Variants in FUCA2 observed in about 807,000 individuals in gnomAD.
FUCA2 encodes plasma alpha-L-fucosidase.
Under a neutral mutation model 52.6 loss-of-function variants are expected in FUCA2, and 41 were observed. The ratio of observed to expected loss-of-function variants is 0.78; its 90% CI spans 0.61 to 1.01. FUCA2 has a LOEUF of 1.01. Ranked by LOEUF, FUCA2 falls within the 50% of genes least tolerant of loss-of-function variation. FUCA2 has a pLI of 0.00. For missense variants in FUCA2, 507 were observed against 569.5 expected (o/e 0.89, Z 1.12); for synonymous variants, 211 against 217.3 (o/e 0.97, Z 0.26).
At position 143,511,580 on chromosome 6, in the gene FUCA2, G is replaced by C; in HGVS notation, c.55C>G (p.Leu19Val). The change falls in exon 1 of 7, where the codon CTG becomes GTG. Residue 19 changes from leucine to valine, a missense_variant. Coordinates refer to ENST00000002165, the MANE Select transcript of FUCA2 (RefSeq NM_032020.5). The surrounding 1 kb of genome is among the most constrained non-coding windows in gnomAD (Gnocchi z 6.3). ...GGGCACGGCGGCGGCGGCAGCAGCA[G>C]CAACAGCAACAGCAGCAACGGGAAC... ...LAFPLLLLLL[L>V]LLPPPPCPAH... is the part of the protein sequence containing the mutation. The C allele has an allele frequency of 6.4e-7, 1 of 1,556,832 alleles. No individual in the cohort carries two copies.
rs1487729650 is a variant in FUCA2 at position 143,494,987 on chromosome 6, G to A, written c.*720C>T. 2.0e-5 allele frequency: 3 copies of A among 152,202 alleles called. No individual in the cohort carries two copies. The highest frequency in any genetic ancestry group is 1.9e-4 in the East Asian group (1 of 5,186). The allele number at this position is 152,202 out of a possible 1,614,324, so 9.4% of individuals were successfully genotyped here. A position where few individuals can be genotyped will look rare whatever the true frequency, so the allele number is the denominator to read the frequency against. ...AGCCTAAGCATACAGTATTTATAAA[G>A]TCTGGCAGTGTTCAATAATGTCCTA... is the stretch of plus-strand genomic sequence containing the variant. On this transcript the variant is annotated 3_prime_UTR_variant, in exon 7 of 7. Transcript: ENST00000002165. The surrounding 1 kb of genome is among the most constrained non-coding windows in gnomAD (Gnocchi z 6.6).
At position 143,495,968 on chromosome 6, in the gene FUCA2, C is replaced by T; in HGVS notation, c.1264-121G>A. ...TTGTAGACAAGAGGTTCATTTTTAC[C>T]TTTATTTAGTGATTCACAATCACTC... On this transcript the variant is annotated intron_variant, in intron 6 of 6. Coordinates refer to ENST00000002165, the MANE Select transcript of FUCA2 (RefSeq NM_032020.5). The surrounding 1 kb of genome is among the most constrained non-coding windows in gnomAD (Gnocchi z 5.2). 1 of 930,586 alleles carries T rather than the reference C, an allele frequency of 1.1e-6. No homozygotes were observed. Among genetic ancestry groups the T allele is most frequent in the South Asian group, 1.6e-5 (1 of 62,134 alleles). The allele number at this position is 930,586 out of a possible 1,614,324, so 57.6% of individuals were successfully genotyped here.
Position 143,507,111 on chromosome 6 carries a change from G to T in FUCA2, c.412+126C>A. On this transcript the variant is annotated intron_variant, in intron 2 of 6. Transcript: ENST00000002165. This position sits in a 1 kb window ranked among gnomAD's most constrained non-coding sequence, Gnocchi z 4.5. ...TGTGCAGTCCCTAAGTCATAAGCAA[G>T]TGCCAGTCACCACTTATGGTTGCTC... The T allele has an allele frequency of 1.3e-6, 1 of 790,570 alleles. No homozygotes were observed. The highest frequency in any genetic ancestry group is 2.0e-6 in the Non-Finnish European group (1 of 512,790). The allele number at this position is 790,570 out of a possible 1,614,324, so 49.0% of individuals were successfully genotyped here.
In FUCA2 at chr6:143,497,341, G is replaced by A. The variant is rs1290875965; in HGVS notation, c.1263+48C>T. On this transcript the variant is annotated intron_variant, in intron 6 of 6. Coordinates refer to ENST00000002165, the MANE Select transcript of FUCA2 (RefSeq NM_032020.5). This position sits in a 1 kb window ranked among gnomAD's most constrained non-coding sequence, Gnocchi z 5.3. ...CCTTAAAAGTTAATGTTTGCATCAA[G>A]ATGTTCTAATCAGCAATTTAAAGGA... The A allele has an allele frequency of 8.6e-7, 1 of 1,168,044 alleles. No individual in the cohort carries two copies. Among genetic ancestry groups the A allele is most frequent in the Non-Finnish European group, 1.3e-6 (1 of 773,982 alleles). 72.4% of individuals were successfully genotyped at this position (1,168,044 alleles called of 1,614,324 possible). A position where few individuals can be genotyped will look rare whatever the true frequency, so the allele number is the denominator to read the frequency against.
rs773761687 is a variant in FUCA2, at chr6:143,502,626, T to C, written c.753-61A>G. On this transcript the variant is annotated intron_variant, in intron 3 of 6. Transcript: ENST00000002165. This position sits in a 1 kb window ranked among gnomAD's most constrained non-coding sequence, Gnocchi z 4.1. ...TATAAGCTTTTTATACAAAAAGAAA[T>C]GTCACTGAAAAGACATGTAATTGAA... 1 of 1,359,652 alleles carries C rather than the reference T, an allele frequency of 7.4e-7. No homozygotes were observed. The highest frequency in any genetic ancestry group is 1.3e-5 in the South Asian group (1 of 78,350). The allele number at this position is 1,359,652 out of a possible 1,614,324, so 84.2% of individuals were successfully genotyped here.
At position 143,500,921 on chromosome 6, in the gene FUCA2, A is replaced by C. The variant is rs1165026491; in HGVS notation, c.1154+1011T>G. Among the ~76,000 whole-genome samples, 1 of 152,198 alleles carries C rather than the reference A, an allele frequency of 6.6e-6. No individual in the cohort carries two copies. The highest frequency in any genetic ancestry group is 6.5e-5 in the Admixed American group (1 of 15,278). On this transcript the variant is annotated intron_variant, in intron 5 of 6. Transcript: ENST00000002165. This position sits in a 1 kb window ranked among gnomAD's most constrained non-coding sequence, Gnocchi z 6.9. ...GTGAGGAGGGAGAGCAGGACCACTC[A>C]GTGGCAGGGAAGTTGGTAGGAGCCA...
At position 143,505,792 on chromosome 6, in the gene FUCA2, T is replaced by C. The variant is rs573278337; in HGVS notation, c.412+1445A>G. 6.6e-5 allele frequency: 10 copies of C among 152,276 alleles called. No individual in the cohort carries two copies. The East Asian group carries it at 1.4e-3, about 21-fold the overall frequency. 9.4% of individuals were successfully genotyped at this position (152,276 alleles called of 1,614,324 possible). On this transcript the variant is annotated intron_variant, in intron 2 of 6. Coordinates refer to ENST00000002165, the MANE Select transcript of FUCA2 (RefSeq NM_032020.5). ...AGTCTTCATTTGAATATCACCACCATAAGCTTACACTGCGACGTTCCTTCC... is the reference window on the plus strand; with the variant it reads ...AGTCTTCATTTGAATATCACCACCACAAGCTTACACTGCGACGTTCCTTCC...
rs754920115 is a variant in FUCA2 at position 143,502,471 on chromosome 6, G to T, written c.847C>A (p.Pro283Thr). Reference protein sequence around the residue: ...GFYTCSDRYNPGHLLPHKWEN... With the variant: ...GFYTCSDRYNTGHLLPHKWEN... Reference sequence around the variant, plus strand: ...CATTTATGTGGCAAAAGATGTCCTGGGTTATAACGATCACTGCAGGTATAG... The same window carrying T: ...CATTTATGTGGCAAAAGATGTCCTGTGTTATAACGATCACTGCAGGTATAG... The change falls in exon 4 of 7, where the codon CCA (proline) becomes ACA (threonine). Residue 283 changes from proline (P) to threonine (T), a missense_variant. Physicochemically the swap from Pro to Thr is conservative, Grantham distance 38. Coordinates refer to ENST00000002165, the MANE Select transcript of FUCA2 (RefSeq NM_032020.5). This position sits in a 1 kb window ranked among gnomAD's most constrained non-coding sequence, Gnocchi z 4.1. 1 of 1,614,024 alleles carries T rather than the reference G, an allele frequency of 6.2e-7. No homozygotes were observed. Among genetic ancestry groups the T allele is most frequent in the Admixed American group, 1.7e-5 (1 of 60,010 alleles).
chr6:143,505,143 T>C (rs973380410), intron 2 of FUCA2: 1 of 152,084 alleles, frequency 6.6e-6, no homozygotes, highest in Non-Finnish European at 1.5e-5. Context: ...ATAATAAATA[T>C]GAAAGCCTCA....
rs1386883021 is a variant in FUCA2, at chr6:143,500,115, T to C, written c.1154+1817A>G. Among the ~76,000 whole-genome samples, 3 of 152,030 alleles carry C rather than the reference T, an allele frequency of 2.0e-5. No individual in the cohort carries two copies. Among genetic ancestry groups the C allele is most frequent in the Non-Finnish European group, 4.4e-5 (3 of 68,022 alleles). ...TGTCCAGAAGCAGGCATGGAATAAG[T>C]AGATCTGTATTTAAAGTTGATGTTC... On this transcript the variant is annotated intron_variant, in intron 5 of 6. Coordinates refer to ENST00000002165, the MANE Select transcript of FUCA2 (RefSeq NM_032020.5). The surrounding 1 kb of genome is among the most constrained non-coding windows in gnomAD (Gnocchi z 6.9).
Position 143,497,376 on chromosome 6 carries a change from A to T in FUCA2, c.1263+13T>A, listed in dbSNP as rs766171853. On this transcript the variant is annotated intron_variant, in intron 6 of 6. Transcript: ENST00000002165. This position sits in a 1 kb window ranked among gnomAD's most constrained non-coding sequence, Gnocchi z 5.3. ...TCAGCAATTTAAAGGAATAAGGTAA[A>T]ATTCCCTCTTACCTCTGTTGCCCCC... is the stretch of plus-strand genomic sequence containing the variant. 1 of 1,528,322 alleles carries T rather than the reference A, an allele frequency of 6.5e-7. No individual in the cohort carries two copies. Among genetic ancestry groups the T allele is most frequent in the Admixed American group, 1.7e-5 (1 of 59,884 alleles). The allele number at this position is 1,528,322 out of a possible 1,614,324, so 94.7% of individuals were successfully genotyped here.
In FUCA2 at chr6:143,503,798, C is replaced by T. The variant is rs940115544; in HGVS notation, c.752+115G>A. 3.7e-5 allele frequency: 27 copies of T among 733,730 alleles called. No homozygotes were observed. Among genetic ancestry groups the T allele is most frequent in the Admixed American group, 8.9e-5 (3 of 33,834 alleles). 45.5% of individuals were successfully genotyped at this position (733,730 alleles called of 1,614,324 possible). ...TAAGTATTATTTACAATGATTTTCT[C>T]CCCCCATACCACCAATGACTTAAAA... On this transcript the variant is annotated intron_variant, in intron 3 of 6. Coordinates refer to ENST00000002165, the MANE Select transcript of FUCA2 (RefSeq NM_032020.5). This position sits in a 1 kb window ranked among gnomAD's most constrained non-coding sequence, Gnocchi z 4.8.
chr6:143,502,271 C>A lies in FUCA2; in HGVS notation c.963+84G>T. Reference sequence around the variant, plus strand: ...TAGAACAATGTCCTATATTTATAGGCCATTGAGCCATAGAAGAAATAATTC... The same window carrying A: ...TAGAACAATGTCCTATATTTATAGGACATTGAGCCATAGAAGAAATAATTC... On this transcript the variant is annotated intron_variant, in intron 4 of 6. Transcript: ENST00000002165. The surrounding 1 kb of genome is among the most constrained non-coding windows in gnomAD (Gnocchi z 4.1). 2 of 1,391,346 alleles carry A rather than the reference C, an allele frequency of 1.4e-6. No homozygotes were observed. Among genetic ancestry groups the A allele is most frequent in the Non-Finnish European group, 2.0e-6 (2 of 1,000,004 alleles). 86.2% of individuals were successfully genotyped at this position (1,391,346 alleles called of 1,614,324 possible).
chr6:143,502,116 C>A lies in FUCA2; in HGVS notation c.970G>T (p.Val324Leu), dbSNP rs776421447. The change falls in exon 5 of 7, where the codon GTA becomes TTA. Residue 324 changes from valine (V) to leucine (L), a missense_variant. Physicochemically the swap from Val to Leu is conservative, Grantham distance 32. Transcript: ENST00000002165. The surrounding 1 kb of genome is among the most constrained non-coding windows in gnomAD (Gnocchi z 4.1). ...LTIEELVKQL[V>L]ETVSCGGNLL... is the part of the protein sequence containing the mutation. ...TTTCCTCCACATGAAACTGTCTCTA[C>A]AAGTTGCTAAAAAATTAAGAATAAT... The A allele has an allele frequency of 3.1e-6, 5 of 1,591,690 alleles. No homozygotes were observed. The highest frequency in any genetic ancestry group is 4.3e-6 in the Non-Finnish European group (5 of 1,171,838).
At position 143,503,763 on chromosome 6, in the gene FUCA2, A is replaced by G; in HGVS notation, c.752+150T>C. The G allele has an allele frequency of 1.7e-6, 1 of 603,226 alleles. No individual in the cohort carries two copies. Among genetic ancestry groups the G allele is most frequent in the Admixed American group, 3.1e-5 (1 of 32,014 alleles). The allele number at this position is 603,226 out of a possible 1,614,324, so 37.4% of individuals were successfully genotyped here. A position where few individuals can be genotyped will look rare whatever the true frequency, so the allele number is the denominator to read the frequency against. ...CCTTGATTATGTTGAGTAAATAGTG[A>G]TATATCTAATAAGTATTATTTACAA... is the stretch of plus-strand genomic sequence containing the variant. On this transcript the variant is annotated intron_variant, in intron 3 of 6. Coordinates refer to ENST00000002165, the MANE Select transcript of FUCA2 (RefSeq NM_032020.5). The surrounding 1 kb of genome is among the most constrained non-coding windows in gnomAD (Gnocchi z 4.8).
At position 143,510,743 on chromosome 6, in the gene FUCA2, CAT is replaced by C. The variant is rs1296172215; in HGVS notation, c.224+666_224+667del. On this transcript the variant is annotated intron_variant, in intron 1 of 6. Transcript: ENST00000002165. The surrounding 1 kb of genome is among the most constrained non-coding windows in gnomAD (Gnocchi z 4.4). ...ACTTGTAGCATTTAGTCAGAAAAGACATGTGCAACAGTTTAAGAAATTACATG... is the reference window on the plus strand; with the variant it reads ...ACTTGTAGCATTTAGTCAGAAAAGACGTGCAACAGTTTAAGAAATTACATG... Among the ~76,000 whole-genome samples, 16 of 152,062 alleles carry C rather than the reference CAT, an allele frequency of 1.1e-4. No homozygotes were observed. The highest frequency in any genetic ancestry group is 3.3e-4 in the Admixed American group (5 of 15,274).
rs184385131 is a variant in FUCA2, at chr6:143,509,476, A to C, written c.224+1935T>G. On this transcript the variant is annotated intron_variant, in intron 1 of 6. Transcript: ENST00000002165. The surrounding 1 kb of genome is among the most constrained non-coding windows in gnomAD (Gnocchi z 5.4). The stretch of plus-strand genomic sequence containing the variant: ...GAAGTTATTCATAGCAAAGAATAAA[A>C]TGACTCAAAACTAGCTGTTTTATTT... Among the ~76,000 whole-genome samples, 8 of 152,354 alleles carry C rather than the reference A, an allele frequency of 5.3e-5. No individual in the cohort carries two copies. In the East Asian group the frequency reaches 1.3e-3, roughly 26 times the overall value.
At chr6:143,506,758 T>G (rs1194338229) in intron 2 of FUCA2, 1 of 152,904 alleles carries the variant, frequency 6.5e-6, no homozygotes, top group African/African-American at 2.4e-5. Context: ...TTCATCACTT[T>G]CATCACTATC....
Position 143,495,685 on chromosome 6 carries a change from G to A in FUCA2, c.*22C>T, listed in dbSNP as rs765109071. 1.2e-6 allele frequency: 2 copies of A among 1,603,506 alleles called. No homozygotes were observed. The highest frequency in any genetic ancestry group is 2.2e-5 in the East Asian group (1 of 44,682). On this transcript the variant is annotated 3_prime_UTR_variant, in exon 7 of 7. Transcript: ENST00000002165. The surrounding 1 kb of genome is among the most constrained non-coding windows in gnomAD (Gnocchi z 5.2). ...TTCCTAGCCTTAGACATAACTTGCA[G>A]CATCAGCCACTCTGCTGCACTTTAG...
Sources: gnomAD v4.1 joint callset for allele counts (sites outside exome capture counted in the v4.1 genomes callset) on GRCh38, gnomAD v4.1.1 for gene constraint, Gnocchi (gnomAD v3.1) non-coding constraint, MANE v1.5 for transcripts, NCBI Gene and HGNC (gene_info 2026-07-23, HGNC 2026-07-21) for gene names.